The following PRAMEF27 variants were observed in gnomAD, a reference collection of about 807,000 sequenced individuals.
The protein encoded by PRAMEF27 is PRAME family member 27.
PRAMEF27 carries 5 observed loss-of-function variants against 21.0 expected under a neutral mutation model. The observed-to-expected ratio is 0.24, with a 90% confidence interval of 0.12 to 0.50. PRAMEF27 has a LOEUF of 0.50. PRAMEF27 is among the 20% of genes least tolerant of loss of function. The pLI is 0.98. For missense variants in PRAMEF27, 138 were observed against 541.4 expected, an observed-to-expected ratio of 0.25 and a Z score of 7.39; for synonymous variants, 61 against 211.2, an observed-to-expected ratio of 0.29 and a Z score of 6.17.
Position 13,053,482 on chromosome 1 carries a change from C to A in PRAMEF27, c.178G>T (p.Ala60Ser), listed in dbSNP as rs1238167164. ...CCEALKLMVQ[A>S]WPFRRLPLRP... Reference sequence around the variant, plus strand: ...AGAGGGAGGCGGCGGAAGGGCCAGGCCTGCACCATCAGCTTCAGGGCCTCA... The same window carrying A: ...AGAGGGAGGCGGCGGAAGGGCCAGGACTGCACCATCAGCTTCAGGGCCTCA... Residue 60 changes from alanine to serine, a missense_variant, in exon 2 of 4, where the codon GCC becomes TCC. Transcript: ENST00000436041. 4.0e-5 allele frequency: 59 copies of A among 1,492,088 alleles called. 6 individuals are homozygous for A. In the East Asian group the frequency reaches 4.5e-4, roughly 11 times the overall value. The allele number at this position is 1,492,088 out of a possible 1,614,324, so 92.4% of individuals were successfully genotyped here. A position where few individuals can be genotyped will look rare whatever the true frequency, so the allele number is the denominator to read the frequency against.
chr1:13,051,179 CT>C (rs1411299967), intron 3 of PRAMEF27: 2 of 153,802 alleles, frequency 1.3e-5, no homozygotes, highest in Non-Finnish European at 2.9e-5. Flanking sequence ...TTACCTGGAG[CT>C]CAAAACACTT....
In PRAMEF27 at chr1:13,053,693, C is replaced by T. The variant is rs1642228788; in HGVS notation, c.-16-18G>A. ...AGGGAAAACTTCCAGAGGACAAACCCAGAGAAAAGGCATCACTCTCAGGCC... is the reference window on the plus strand; with the variant it reads ...AGGGAAAACTTCCAGAGGACAAACCTAGAGAAAAGGCATCACTCTCAGGCC... On this transcript the variant is annotated intron_variant, in intron 1 of 3. Coordinates refer to ENST00000436041, the MANE Select transcript of PRAMEF27 (RefSeq NM_001300891.2). 2 of 1,589,014 alleles carry T rather than the reference C, an allele frequency of 1.3e-6. No homozygotes were observed. The highest frequency in any genetic ancestry group is 8.5e-7 in the Non-Finnish European group (1 of 1,177,756).
intron 1 of PRAMEF27, chr1:13,055,652 G>C (rs1453839534): frequency 6.6e-6 from 1 of 151,194 alleles, no homozygotes; most frequent in Non-Finnish European, 1.5e-5. Context: ...TTTTTGGACA[G>C]AGTGTCTCTC....
intron 1 of PRAMEF27, 146 bp downstream of exon 1, chr1:13,056,268 A>G (rs1482283740): frequency 3.4e-5 from 4 of 118,676 alleles, no homozygotes; most frequent in Non-Finnish European, 6.3e-5. Flanking sequence ...ATTTAGAGGA[A>G]AAAATTCAAA....
At chr1:13,055,596 G>A (rs1381995684) in intron 1 of PRAMEF27, 4,281 of 148,430 alleles carry the variant, frequency 0.029, 134 homozygotes, top group East Asian at 0.16. Flanking sequence ...GATGTGATTG[G>A]TTTAAAATTA....
intron 3 of PRAMEF27, 144 bp from the exon 4 acceptor site, chr1:13,050,513 T>C: frequency 7.7e-7 from 1 of 1,301,712 alleles, no homozygotes. Context: ...ACACTTAGAA[T>C]GATGTGTGAT....
Position 13,049,957 on chromosome 1 carries a change from A to G in PRAMEF27, c.1288T>C (p.Trp430Arg). 6.3e-6 allele frequency: 9 copies of G among 1,420,622 alleles called. 2 individuals carry two copies. Among genetic ancestry groups the G allele is most frequent in the Non-Finnish European group, 8.3e-6 (9 of 1,082,470 alleles). The allele number at this position is 1,420,622 out of a possible 1,614,324, so 88.0% of individuals were successfully genotyped here. The stretch of plus-strand genomic sequence containing the variant: ...GCCCTAATTTGAGCAAATCTGTTCC[A>G]GCAGAGAGTACCATCAGCACCATAA... Reference protein sequence around the residue: ...ESYGADGTLCWNRFAQIRAEL... With the variant: ...ESYGADGTLCRNRFAQIRAEL... Residue 430 changes from tryptophan (W) to arginine (R), a missense_variant, in exon 4 of 4, where the codon TGG becomes CGG. Trp to Arg is a moderately radical substitution (Grantham distance 101). Coordinates refer to ENST00000436041, the MANE Select transcript of PRAMEF27 (RefSeq NM_001300891.2).
intron 1 of PRAMEF27, chr1:13,055,715 C>G (rs1413218246): frequency 2.0e-5 from 3 of 148,220 alleles, no homozygotes; most frequent in South Asian, 2.2e-4. Flanking sequence ...ACTGCAGCCT[C>G]AATCTTCTGG....
chr1:13,055,532 C>G (rs1415461756), intron 1 of PRAMEF27: 1 of 138,514 alleles, frequency 7.2e-6, no homozygotes, highest in Admixed American at 7.1e-5. Flanking sequence ...TTCCACGTAG[C>G]TGGGACTACA....
chr1:13,055,727 C>G (rs1642239989), intron 1 of PRAMEF27: 1 of 147,470 alleles, frequency 6.8e-6, no homozygotes, highest in East Asian at 2.1e-4. Flanking sequence ...ATCTTCTGGA[C>G]TCAAGTGATT....
intron 1 of PRAMEF27, chr1:13,055,906 G>T (rs1367524260): frequency 1.5e-5 from 2 of 133,870 alleles, no homozygotes; most frequent in Non-Finnish European, 3.0e-5. Context: ...ACAAAAATTA[G>T]CCAGGCATGG....
chr1:13,050,008 C>G lies in PRAMEF27; in HGVS notation c.1237G>C (p.Glu413Gln). 1 of 1,424,688 alleles carries G rather than the reference C, an allele frequency of 7.0e-7. No individual in the cohort carries two copies. The allele number at this position is 1,424,688 out of a possible 1,614,324, so 88.3% of individuals were successfully genotyped here. The change falls in exon 4 of 4, where the codon GAG becomes CAG. Residue 413 changes from glutamate to glutamine, a missense_variant. Transcript: ENST00000436041. Reference protein sequence around the residue: ...HTIILKNLCVEVYPAPRESYG... With the variant: ...HTIILKNLCVQVYPAPRESYG... ...CTCTCCCGCGGGGCAGGATACACCTCCACGCATAAGTTTTTGAGTATGATT... is the reference window on the plus strand; with the variant it reads ...CTCTCCCGCGGGGCAGGATACACCTGCACGCATAAGTTTTTGAGTATGATT...
At chr1:13,055,527 C>G (rs1489214021) in intron 1 of PRAMEF27, 1 of 136,712 alleles carries the variant, frequency 7.3e-6, no homozygotes, top group African/African-American at 3.0e-5. Context: ...CAGCCTTCCA[C>G]GTAGCTGGGA....
Position 13,049,909 on chromosome 1 carries a change from C to T in PRAMEF27, c.1336G>A (p.Asp446Asn), listed in dbSNP as rs1557675438. The T allele has an allele frequency of 7.0e-7, 1 of 1,419,200 alleles. No homozygotes were observed. The highest frequency in any genetic ancestry group is 3.5e-5 in the African/African-American group (1 of 28,382). 87.9% of individuals were successfully genotyped at this position (1,419,200 alleles called of 1,614,324 possible). A position where few individuals can be genotyped will look rare whatever the true frequency, so the allele number is the denominator to read the frequency against. Residue 446 changes from aspartate (D) to asparagine (N), a missense_variant, in exon 4 of 4, where the codon GAC (aspartate) becomes AAC (asparagine). By Grantham distance (23) the Asp-to-Asn change is conservative. Coordinates refer to ENST00000436041, the MANE Select transcript of PRAMEF27 (RefSeq NM_001300891.2). ...IRAELMNRVR[D>N]LRHPKRIFFC... ...AAGATCCTCTTGGGGTGCCTTAAGT[C>T]CCTCACTCTGTTCATCAGCTCAGCC... is the stretch of plus-strand genomic sequence containing the variant.
rs1382625793 is a variant in PRAMEF27, at chr1:13,053,813, A to C, written c.-16-138T>G. Reference sequence around the variant, plus strand: ...TTTACTCCAATTCTGCCCTGTACTCAGTGGCCATTAAGCCAGCATTGTGCC... The same window carrying C: ...TTTACTCCAATTCTGCCCTGTACTCCGTGGCCATTAAGCCAGCATTGTGCC... On this transcript the variant is annotated intron_variant, in intron 1 of 3. Transcript: ENST00000436041. 1.2e-5 allele frequency: 14 copies of C among 1,188,508 alleles called. 3 individuals are homozygous for C. The South Asian group carries it at 2.4e-4, about 21-fold the overall frequency. The allele number at this position is 1,188,508 out of a possible 1,614,324, so 73.6% of individuals were successfully genotyped here. A position where few individuals can be genotyped will look rare whatever the true frequency, so the allele number is the denominator to read the frequency against.
Position 13,053,802 on chromosome 1 carries a change from G to C in PRAMEF27, c.-16-127C>G, listed in dbSNP as rs1172509622. 4.8e-5 allele frequency: 60 copies of C among 1,254,342 alleles called. 8 individuals are homozygous for C. Among genetic ancestry groups the C allele is most frequent in the Non-Finnish European group, 6.1e-5 (58 of 952,180 alleles). The allele number at this position is 1,254,342 out of a possible 1,614,324, so 77.7% of individuals were successfully genotyped here. A position where few individuals can be genotyped will look rare whatever the true frequency, so the allele number is the denominator to read the frequency against. ...ACAGCCCTCAGTTTACTCCAATTCTGCCCTGTACTCAGTGGCCATTAAGCC... is the reference window on the plus strand; with the variant it reads ...ACAGCCCTCAGTTTACTCCAATTCTCCCCTGTACTCAGTGGCCATTAAGCC... On this transcript the variant is annotated intron_variant, in intron 1 of 3. Transcript: ENST00000436041.
rs1642224362 is a variant in PRAMEF27 at position 13,053,401 on chromosome 1, G to T, written c.259C>A (p.Leu87Ile). Reference protein sequence around the residue: ...LEAFQAVLDGLDALLTQGVCP... With the variant: ...LEAFQAVLDGIDALLTQGVCP... ...ACCCCTTGGGTAAGCAGTGCATCAA[G>T]CCCATCGAGCACAGCTTGGAAGGCC... Residue 87 changes from leucine to isoleucine, a missense_variant, in exon 2 of 4, where the codon CTT becomes ATT. Coordinates refer to ENST00000436041, the MANE Select transcript of PRAMEF27 (RefSeq NM_001300891.2). 7.4e-6 allele frequency: 11 copies of T among 1,491,992 alleles called. 3 individuals are homozygous for T. In the Admixed American group the frequency reaches 1.8e-4, roughly 25 times the overall value. 92.4% of individuals were successfully genotyped at this position (1,491,992 alleles called of 1,614,324 possible).
chr1:13,049,677 T>C lies in PRAMEF27; in HGVS notation c.*131A>G. The C allele has an allele frequency of 1.6e-6, 1 of 622,322 alleles. No homozygotes were observed. The highest frequency in any genetic ancestry group is 2.3e-6 in the Non-Finnish European group (1 of 439,692). 38.6% of individuals were successfully genotyped at this position (622,322 alleles called of 1,614,324 possible). A position where few individuals can be genotyped will look rare whatever the true frequency, so the allele number is the denominator to read the frequency against. On this transcript the variant is annotated 3_prime_UTR_variant, in exon 4 of 4. Coordinates refer to ENST00000436041, the MANE Select transcript of PRAMEF27 (RefSeq NM_001300891.2). ...CTGCCCCTGCTTGATCAGCTTTCCT[T>C]TCCCACTTTCAGAGCCTATGTGTGA...
rs1308968922 is a variant in PRAMEF27 at position 13,049,901 on chromosome 1, C to T, written c.1344G>A (p.Arg448=). The change falls in exon 4 of 4, where the codon AGG becomes AGA. Residue 448 remains arginine, a synonymous_variant. Transcript: ENST00000436041. The part of the protein sequence containing the change: ...AELMNRVRDL[R]HPKRIFFCID... Reference sequence around the variant, plus strand: ...TACAGAAAAAGATCCTCTTGGGGTGCCTTAAGTCCCTCACTCTGTTCATCA... The same window carrying T: ...TACAGAAAAAGATCCTCTTGGGGTGTCTTAAGTCCCTCACTCTGTTCATCA... 20 of 1,418,822 alleles carry T rather than the reference C, an allele frequency of 1.4e-5. 6 individuals are homozygous for T. Among genetic ancestry groups the T allele is most frequent in the Non-Finnish European group, 1.7e-5 (18 of 1,081,402 alleles). The allele number at this position is 1,418,822 out of a possible 1,614,324, so 87.9% of individuals were successfully genotyped here.
Sources: gnomAD v4.1 joint callset for allele counts on GRCh38, gnomAD v4.1.1 for gene constraint, MANE v1.5 for transcripts, NCBI Gene and HGNC (gene_info 2026-07-23, HGNC 2026-07-21) for gene names.